The following CHN2 variants were observed in gnomAD, a reference collection of about 807,000 sequenced individuals.
CHN2 encodes the protein chimerin 2, also known as beta-chimaerin.
In CHN2, 35 loss-of-function variants were observed where a neutral mutation model predicts 56.3. That is an observed-to-expected ratio of 0.62 (90% CI 0.47 to 0.82). CHN2 has a LOEUF of 0.82. Among genes scored for constraint, CHN2 ranks in the 40% least tolerant of loss-of-function variants. The pLI is 0.00. For missense variants in CHN2, 491 were observed against 580.5 expected (o/e 0.85, Z 1.58); for synonymous variants, 210 against 212.8 (o/e 0.99, Z 0.12).
intron 2 of CHN2, among the ~76,000 whole-genome samples, chr7:29,153,424 T>C (rs995671713): frequency 7.2e-5 from 11 of 152,168 alleles, no homozygotes; most frequent in African/African-American, 2.7e-4. Flanking sequence ...CCTTTTCTGG[T>C]TTTGCCACCC....
chr7:29,488,349 G>A (rs191646107), intron 7 of CHN2, among the ~76,000 whole-genome samples: 31 of 152,332 alleles, frequency 2.0e-4, no homozygotes, highest in Admixed American at 7.8e-4. Flanking sequence ...TATAGGAAAA[G>A]TCCTTGGCAG....
intron 1 of CHN2, among the ~76,000 whole-genome samples, chr7:29,229,958 C>T (rs1584801428): frequency 6.6e-6 from 1 of 151,544 alleles, no homozygotes; most frequent in East Asian, 1.9e-4. Flanking sequence ...GCCTGGGAGA[C>T]AGAGGGAGAC....
intron 3 of CHN2, among the ~76,000 whole-genome samples, chr7:29,387,872 C>T (rs1801046208): frequency 6.6e-6 from 1 of 152,158 alleles, no homozygotes; most frequent in African/African-American, 2.4e-5. Context: ...TATTATAATA[C>T]ATGCTCAGTG....
At chr7:29,203,570 T>C (rs1452540423) in intron 1 of CHN2, among the ~76,000 whole-genome samples, 1 of 151,900 alleles carries the variant, frequency 6.6e-6, no homozygotes, top group East Asian at 1.9e-4. Flanking sequence ...AGGTAACTAC[T>C]AGAATATTTG....
chr7:29,368,423 A>G (rs1258977394), intron 3 of CHN2, among the ~76,000 whole-genome samples: 2 of 152,196 alleles, frequency 1.3e-5, no homozygotes, highest in African/African-American at 4.8e-5. Context: ...TTTTAAAATA[A>G]TAAAGCCTTA....
In CHN2 at chr7:29,370,637, G is replaced by A. The variant is rs114987031; in HGVS notation, c.144+2650G>A. ...TTTCTCTGATGACTCATACTTTCCC[G>A]GGCCATGGGCCTCTCCCAGATTAGG... On this transcript the variant is annotated intron_variant, in intron 3 of 12. Transcript: ENST00000222792. Among the ~76,000 whole-genome samples the A allele has an allele frequency of 6.3e-3, 953 of 151,908 alleles. 12 individuals are homozygous for A. Among genetic ancestry groups the A allele is most frequent in the African/African-American group, 0.022 (913 of 41,402 alleles).
At chr7:29,200,904 A>G (rs1157405130) in intron 1 of CHN2, among the ~76,000 whole-genome samples, 1 of 152,150 alleles carries the variant, frequency 6.6e-6, no homozygotes, top group Non-Finnish European at 1.5e-5. Context: ...TGTATCATCA[A>G]CTGGCCACTA....
chr7:29,334,053 T>TC (rs1156719098), intron 1 of CHN2, among the ~76,000 whole-genome samples: 1 of 73,264 alleles, frequency 1.4e-5, no homozygotes, highest in South Asian at 3.3e-4. Context: ...TCTTTTCTTT[T>TC]TTTTTTTTTT....
intron 1 of CHN2, chr7:29,333,101 C>T (rs1003930549): frequency 2.0e-5 from 3 of 152,148 alleles, no homozygotes; most frequent in Non-Finnish European, 2.9e-5. Flanking sequence ...CTTCTGTCTC[C>T]GACAGTGGTA....
chr7:29,358,425 A>T (rs1438946655), intron 2 of CHN2, among the ~76,000 whole-genome samples: 1 of 152,010 alleles, frequency 6.6e-6, no homozygotes, highest in African/African-American at 2.4e-5. Context: ...AAAATAAAAG[A>T]AAATTAGTCA....
intron 6 of CHN2, among the ~76,000 whole-genome samples, chr7:29,456,010 G>A (rs1241522443): frequency 6.6e-6 from 1 of 152,232 alleles, no homozygotes; most frequent in Non-Finnish European, 1.5e-5. Context: ...AGGTCTGAGG[G>A]TGGAGTCAAA....
intron 1 of CHN2, among the ~76,000 whole-genome samples, chr7:29,282,904 T>G (rs1791834800): frequency 6.6e-6 from 1 of 151,914 alleles, no homozygotes; most frequent in African/African-American, 2.4e-5. Context: ...TGAAAAAGAT[T>G]GGAGAAGAAG....
At chr7:29,164,409 T>C (rs1398984257) in intron 2 of CHN2, among the ~76,000 whole-genome samples, 3 of 152,198 alleles carry the variant, frequency 2.0e-5, no homozygotes, top group Non-Finnish European at 4.4e-5. Context: ...AAATATATAT[T>C]TTGCAGATAA....
chr7:29,412,637 G>A (rs1477576318), intron 6 of CHN2, among the ~76,000 whole-genome samples: 3 of 152,132 alleles, frequency 2.0e-5, no homozygotes, highest in African/African-American at 7.2e-5. Context: ...ACACTAAAGA[G>A]TCTTAATGAA....
chr7:29,365,239 A>G (rs1216547906), intron 2 of CHN2, among the ~76,000 whole-genome samples: 1 of 152,216 alleles, frequency 6.6e-6, no homozygotes, highest in Non-Finnish European at 1.5e-5. Flanking sequence ...GCCTCTCACT[A>G]AAGCTGATAG....
At chr7:29,177,369 G>A (rs1332954531) in intron 2 of CHN2, among the ~76,000 whole-genome samples, 1 of 151,666 alleles carries the variant, frequency 6.6e-6, no homozygotes, top group Non-Finnish European at 1.5e-5. Context: ...TTCTCCTGCC[G>A]CAATCTCCTG....
intron 6 of CHN2, among the ~76,000 whole-genome samples, chr7:29,420,983 T>C (rs1804285289): frequency 6.6e-6 from 1 of 152,118 alleles, no homozygotes; most frequent in African/African-American, 2.4e-5. Context: ...GTATTTTTGG[T>C]AGAGACGGGG....
intron 1 of CHN2, among the ~76,000 whole-genome samples, chr7:29,326,129 A>ATTGTTTGTTTGT (rs71555797): frequency 9.9e-5 from 15 of 151,190 alleles, no homozygotes; most frequent in African/African-American, 3.2e-4. Flanking sequence ...TAGAGAAATT[A>ATTGTTTGTTTGT]TTGTTTGTTT....
chr7:29,510,654 A>C (rs575206117), intron 12 of CHN2, among the ~76,000 whole-genome samples: 2 of 152,340 alleles, frequency 1.3e-5, no homozygotes, highest in East Asian at 3.9e-4. Context: ...CTCTCAGAAC[A>C]AAAAAGCAAG....
Sources: gnomAD v4.1 joint callset for allele counts (sites outside exome capture counted in the v4.1 genomes callset) on GRCh38, gnomAD v4.1.1 for gene constraint, MANE v1.5 for transcripts, NCBI Gene and HGNC (gene_info 2026-07-23, HGNC 2026-07-21) for gene names.